Variants in CASR observed in about 807,000 individuals in gnomAD.
CASR encodes the protein calcium sensing receptor, also known as extracellular calcium-sensing receptor.
A neutral mutation model predicts 69.1 loss-of-function variants in CASR; 23 were observed. The observed-to-expected ratio is 0.33, with a 90% confidence interval of 0.24 to 0.47. The LOEUF is 0.47. Ranked by LOEUF, CASR falls within the 20% of genes least tolerant of loss-of-function variation. The pLI is 1.00. For synonymous variants in CASR, 541 were observed against 544.7 expected (o/e 0.99, Z 0.10); for missense variants, 924 against 1,356.1 (o/e 0.68, Z 5.00).
At chr3:122,263,298 G>A (rs958647803) in intron 4 of CASR, among the ~76,000 whole-genome samples, 1 of 152,176 alleles carries the variant, frequency 6.6e-6, no homozygotes, top group South Asian at 2.1e-4. Context: ...CTAGCTGTGT[G>A]ATCTTAGGCA....
Position 122,235,527 on chromosome 3 carries a change from T to C in CASR, c.-242-18421T>C, listed in dbSNP as rs113423252. Among the ~76,000 whole-genome samples, 572 of 152,362 alleles carry C rather than the reference T, an allele frequency of 3.8e-3. 5 individuals are homozygous for C. Among genetic ancestry groups the C allele is most frequent in the South Asian group, 0.02 (97 of 4,830 alleles). On this transcript the variant is annotated intron_variant, in intron 1 of 6. Transcript: ENST00000639785. ...GAATGAATTGACATTGACAGGAAACTGTTGTGTATCCATTCAAAATACATT... is the reference window on the plus strand; with the variant it reads ...GAATGAATTGACATTGACAGGAAACCGTTGTGTATCCATTCAAAATACATT...
intron 3 of CASR, among the ~76,000 whole-genome samples, chr3:122,260,796 T>C (rs1017688056): frequency 1.3e-5 from 2 of 152,206 alleles, no homozygotes; most frequent in Non-Finnish European, 2.9e-5. Flanking sequence ...GTCATTGTTA[T>C]TGTGATACAG....
chr3:122,204,111 C>G (rs755168214), intron 1 of CASR, among the ~76,000 whole-genome samples: 1 of 152,044 alleles, frequency 6.6e-6, no homozygotes, highest in Non-Finnish European at 1.5e-5. Flanking sequence ...CATTCCAATT[C>G]TTCTCTTCTA....
intron 4 of CASR, among the ~76,000 whole-genome samples, chr3:122,268,196 T>C (rs2107637568): frequency 6.6e-6 from 1 of 152,344 alleles, no homozygotes; most frequent in South Asian, 2.1e-4. Flanking sequence ...GTTAAGTTTA[T>C]TATGAGGATA....
chr3:122,251,667 T>C (rs79983922), intron 1 of CASR, among the ~76,000 whole-genome samples: 2,840 of 152,316 alleles, frequency 0.019, 82 homozygotes, highest in African/African-American at 0.064. Flanking sequence ...CTTGAGGAAC[T>C]GAAAGAAGTT....
Position 122,254,188 on chromosome 3 carries a change from C to A in CASR, c.-2C>A, listed in dbSNP as rs778565441. ...CCCTTGCCCTGGAGAGACGGCAGAA[C>A]CATGGCATTTTATAGCTGCTGCTGG... On this transcript the variant is annotated 5_prime_UTR_variant, in exon 2 of 7. Coordinates refer to ENST00000639785, the MANE Select transcript of CASR (RefSeq NM_000388.4). The A allele has an allele frequency of 6.2e-7, 1 of 1,612,686 alleles. No individual in the cohort carries two copies.
chr3:122,235,625 G>T (rs911847122), intron 1 of CASR, among the ~76,000 whole-genome samples: 3 of 152,094 alleles, frequency 2.0e-5, no homozygotes, highest in African/African-American at 7.2e-5. Flanking sequence ...GCAAGGTCCT[G>T]TCTCTACAAA....
intron 5 of CASR, among the ~76,000 whole-genome samples, chr3:122,279,151 A>T (rs967411730): frequency 4.6e-5 from 7 of 152,196 alleles, no homozygotes; most frequent in African/African-American, 1.4e-4. Context: ...ACTATCAAGG[A>T]CTATGAGGCA....
chr3:122,274,959 G>A (rs145454473), intron 4 of CASR, among the ~76,000 whole-genome samples: 3 of 152,284 alleles, frequency 2.0e-5, no homozygotes, highest in Non-Finnish European at 4.4e-5. Flanking sequence ...GGAGCCCAGC[G>A]ATGCTGCAGT....
intron 4 of CASR, among the ~76,000 whole-genome samples, chr3:122,264,832 TTCA>T (rs1444813920): frequency 1.3e-5 from 2 of 152,180 alleles, no homozygotes; most frequent in Non-Finnish European, 2.9e-5. Flanking sequence ...GACCTATATC[TTCA>T]TCAGGAAATC....
intron 4 of CASR, among the ~76,000 whole-genome samples, chr3:122,269,589 G>T (rs962999193): frequency 3.3e-5 from 5 of 152,146 alleles, no homozygotes; most frequent in African/African-American, 1.2e-4. Flanking sequence ...GTATTTGTGT[G>T]TTTGATTTAC....
intron 1 of CASR, among the ~76,000 whole-genome samples, chr3:122,190,780 G>A (rs963674469): frequency 6.6e-6 from 1 of 152,206 alleles, no homozygotes; most frequent in African/African-American, 2.4e-5. Context: ...ATAACAGTCA[G>A]CAATTGACAA....
At chr3:122,256,480 C>A (rs4247194) in intron 2 of CASR, among the ~76,000 whole-genome samples, 41,753 of 104,524 alleles carry the variant, frequency 0.4, 6,489 homozygotes, top group Non-Finnish European at 0.52. Flanking sequence ...ATCTTTTATT[C>A]TTCTTTTTAT....
chr3:122,200,998 T>C (rs1307666965), intron 1 of CASR, among the ~76,000 whole-genome samples: 4 of 63,796 alleles, frequency 6.3e-5, no homozygotes, highest in African/African-American at 1.9e-4. Context: ...GCTTTTCTTT[T>C]TTTTTTATTT....
intron 4 of CASR, among the ~76,000 whole-genome samples, chr3:122,267,113 T>C (rs1028018849): frequency 3.9e-5 from 6 of 152,242 alleles, no homozygotes; most frequent in African/African-American, 1.4e-4. Flanking sequence ...AATTTAAAGA[T>C]TCCCTGTCAT....
chr3:122,188,558 A>G (rs144952892), intron 1 of CASR, among the ~76,000 whole-genome samples: 1 of 152,388 alleles, frequency 6.6e-6, no homozygotes, highest in Non-Finnish European at 1.5e-5. Context: ...GTGTCTGAAC[A>G]TAAAATAGGA....
chr3:122,235,566 G>T (rs1172162295), intron 1 of CASR, among the ~76,000 whole-genome samples: 2 of 152,204 alleles, frequency 1.3e-5, no homozygotes, highest in Non-Finnish European at 2.9e-5. Context: ...GTTTGGCTGT[G>T]TTATCCTTGG....
chr3:122,283,138 G>T (rs2074913486), intron 6 of CASR, among the ~76,000 whole-genome samples: 1 of 152,216 alleles, frequency 6.6e-6, no homozygotes, highest in Non-Finnish European at 1.5e-5. Context: ...GCTCTGGCAT[G>T]TCTACAAAGC....
intron 1 of CASR, among the ~76,000 whole-genome samples, chr3:122,217,750 G>A (rs914157487): frequency 6.6e-5 from 10 of 152,002 alleles, no homozygotes; most frequent in South Asian, 2.1e-4. Flanking sequence ...AGTAATAACC[G>A]TACCATTCTG....
Sources: gnomAD v4.1 joint callset for allele counts (sites outside exome capture counted in the v4.1 genomes callset) on GRCh38, gnomAD v4.1.1 for gene constraint, MANE v1.5 for transcripts, NCBI Gene and HGNC (gene_info 2026-07-23, HGNC 2026-07-21) for gene names.